The following ST6GALNAC3 variants were observed in gnomAD, a reference collection of about 807,000 sequenced individuals.
The protein encoded by ST6GALNAC3 is ST6 N-acetylgalactosaminide alpha-2,6-sialyltransferase 3.
In ST6GALNAC3, 25 loss-of-function variants were observed where a neutral mutation model predicts 32.7. That is an observed-to-expected ratio of 0.76 (90% confidence interval 0.56 to 1.07). The LOEUF is 1.07. ST6GALNAC3 is among the 50% of genes least tolerant of loss of function. The pLI, the probability that ST6GALNAC3 is intolerant of heterozygous loss-of-function variation, is 0.00. For missense variants in ST6GALNAC3, 355 were observed against 382.4 expected, an observed-to-expected ratio of 0.93 and a Z score of 0.60; for synonymous variants, 129 against 133.1, an observed-to-expected ratio of 0.97 and a Z score of 0.21.
Position 76,175,522 on chromosome 1 carries a change from GT to G in ST6GALNAC3, c.18+100651del, listed in dbSNP as rs11406854. 5.2e-3 allele frequency among the ~76,000 whole-genome samples: 766 copies of G among 146,378 alleles called. 3 individuals are homozygous for G. The highest frequency in any genetic ancestry group is 0.018 in the African/African-American group (699 of 39,884). On this transcript the variant is annotated intron_variant, in intron 1 of 4. Transcript: ENST00000328299. Reference sequence around the variant, plus strand: ...CCTGAATCAGCTGCCCTGATGGATAGTTTTTTTTTTTTTGGTGTGGGCTTGG... The same window carrying G: ...CCTGAATCAGCTGCCCTGATGGATAGTTTTTTTTTTTTGGTGTGGGCTTGG...
intron 1 of ST6GALNAC3, among the ~76,000 whole-genome samples, chr1:76,271,332 C>T (rs917614273): frequency 6.6e-6 from 1 of 152,108 alleles, no homozygotes; most frequent in East Asian, 1.9e-4. Flanking sequence ...TTCTTGGAAC[C>T]AGAAGAATTT....
chr1:76,165,803 G>A (rs1278251414), intron 1 of ST6GALNAC3, among the ~76,000 whole-genome samples: 3 of 152,066 alleles, frequency 2.0e-5, no homozygotes, highest in Non-Finnish European at 4.4e-5. Flanking sequence ...ATTATTGGCT[G>A]CATGTACATC....
intron 3 of ST6GALNAC3, among the ~76,000 whole-genome samples, chr1:76,539,774 A>G (rs935423144): frequency 6.6e-6 from 1 of 152,240 alleles, no homozygotes; most frequent in Non-Finnish European, 1.5e-5. Context: ...ATCAATGATC[A>G]TCAGAGAAAT....
rs138703273 is a variant in ST6GALNAC3, at chr1:76,343,496, C to G, written c.213+29497C>G. On this transcript the variant is annotated intron_variant, in intron 2 of 4. Coordinates refer to ENST00000328299, the MANE Select transcript of ST6GALNAC3 (RefSeq NM_152996.4). ...ACTCTGAGTTCTGTGGGAGCTGAGT[C>G]TGTATCCTAGAAAGCATGGAAAAGT... Among the ~76,000 whole-genome samples the G allele has an allele frequency of 3.6e-4, 55 of 152,270 alleles. 1 individual carries two copies. Among genetic ancestry groups the G allele is most frequent in the African/African-American group, 1.3e-3 (53 of 41,564 alleles).
chr1:76,457,645 A>G lies in ST6GALNAC3; in HGVS notation c.623+45228A>G, dbSNP rs550385236. Among the ~76,000 whole-genome samples the G allele has an allele frequency of 6.6e-3, 1,005 of 152,246 alleles. 12 individuals carry two copies. Among genetic ancestry groups the G allele is most frequent in the African/African-American group, 0.022 (933 of 41,526 alleles). On this transcript the variant is annotated intron_variant, in intron 3 of 4. Coordinates refer to ENST00000328299, the MANE Select transcript of ST6GALNAC3 (RefSeq NM_152996.4). ...ACAAGCAATGGGGAAAGGATTCCCT[A>G]TTTAATAAATGGTGCTTGGAAAACT...
At position 76,096,501 on chromosome 1, in the gene ST6GALNAC3, C is replaced by CT. The variant is rs533066932; in HGVS notation, c.18+21621dup. On this transcript the variant is annotated intron_variant, in intron 1 of 4. Coordinates refer to ENST00000328299, the MANE Select transcript of ST6GALNAC3 (RefSeq NM_152996.4). ...ATACTATAGCTTTGCCTCTAATTGG[C>CT]TTTTCAGTCCTTCACGCTGTAAAGC... 1.2e-3 allele frequency among the ~76,000 whole-genome samples: 188 copies of CT among 152,106 alleles called. 1 individual carries two copies. The highest frequency in any genetic ancestry group is 4.1e-3 in the African/African-American group (172 of 41,512).
At chr1:76,270,794 G>T (rs565851913) in intron 1 of ST6GALNAC3, among the ~76,000 whole-genome samples, 4 of 152,278 alleles carry the variant, frequency 2.6e-5, no homozygotes, top group Non-Finnish European at 4.4e-5. Context: ...TGAGGGGTAC[G>T]TGTCCTCATT....
chr1:76,244,805 G>A (rs748795073), intron 1 of ST6GALNAC3, among the ~76,000 whole-genome samples: 11 of 152,254 alleles, frequency 7.2e-5, no homozygotes, highest in Middle Eastern at 3.4e-3. Context: ...ACTTGATCAC[G>A]GTGGATAAGT....
chr1:76,477,543 A>G (rs552287701), intron 3 of ST6GALNAC3, among the ~76,000 whole-genome samples: 1 of 152,232 alleles, frequency 6.6e-6, no homozygotes, highest in South Asian at 2.1e-4. Flanking sequence ...CATCTCACCA[A>G]TCCAGTCATG....
rs571776045 is a variant in ST6GALNAC3, at chr1:76,544,793, A to G, written c.624-82659A>G. Among the ~76,000 whole-genome samples the G allele has an allele frequency of 1.8e-4, 28 of 152,326 alleles. 1 individual carries two copies. The highest frequency in any genetic ancestry group is 6.3e-4 in the African/African-American group (26 of 41,574). ...CAGCGTATCGATGGTATTTAAAGCT[A>G]TGGGAGTCAATAACATTTCACAGGA... On this transcript the variant is annotated intron_variant, in intron 3 of 4. Coordinates refer to ENST00000328299, the MANE Select transcript of ST6GALNAC3 (RefSeq NM_152996.4).
At chr1:76,301,849 T>C (rs192464624) in intron 1 of ST6GALNAC3, among the ~76,000 whole-genome samples, 2,064 of 151,352 alleles carry the variant, frequency 0.014, 15 homozygotes, top group Non-Finnish European at 0.023. Flanking sequence ...TTTTTTTTTT[T>C]CCACAGGTGC....
At chr1:76,264,832 C>G (rs1180788924) in intron 1 of ST6GALNAC3, among the ~76,000 whole-genome samples, 2 of 151,760 alleles carry the variant, frequency 1.3e-5, no homozygotes, top group African/African-American at 4.8e-5. Context: ...CCTTTTTTGA[C>G]CCTAACAACA....
intron 3 of ST6GALNAC3, among the ~76,000 whole-genome samples, chr1:76,471,083 T>C (rs910609312): frequency 7.9e-5 from 12 of 152,140 alleles, no homozygotes; most frequent in African/African-American, 2.9e-4. Context: ...TGGTTCTTTA[T>C]CATCTATTGA....
chr1:76,374,928 T>C (rs921151040), intron 2 of ST6GALNAC3, among the ~76,000 whole-genome samples: 2 of 152,174 alleles, frequency 1.3e-5, no homozygotes, highest in Non-Finnish European at 2.9e-5. Flanking sequence ...TTTTCTGCAA[T>C]GGGCATTTGG....
intron 1 of ST6GALNAC3, among the ~76,000 whole-genome samples, chr1:76,205,645 A>C (rs539386964): frequency 6.6e-6 from 1 of 152,312 alleles, no homozygotes; most frequent in Non-Finnish European, 1.5e-5. Flanking sequence ...GATGTTGTAA[A>C]GGAGGAGGGA....
rs577368125 is a variant in ST6GALNAC3 at position 76,295,123 on chromosome 1, A to G, written c.19-18682A>G. On this transcript the variant is annotated intron_variant, in intron 1 of 4. Coordinates refer to ENST00000328299, the MANE Select transcript of ST6GALNAC3 (RefSeq NM_152996.4). The stretch of plus-strand genomic sequence containing the variant: ...TTTTCCTCTGGAAGCCTTTATTGAG[A>G]TGTTTTCTTTTTCTTTTTCTCTATG... Among the ~76,000 whole-genome samples, 6 of 151,268 alleles carry G rather than the reference A, an allele frequency of 4.0e-5. 1 individual carries two copies. Among genetic ancestry groups the G allele is most frequent in the African/African-American group, 1.5e-4 (6 of 41,256 alleles).
chr1:76,348,203 A>T (rs1224790078), intron 2 of ST6GALNAC3, among the ~76,000 whole-genome samples: 1 of 152,138 alleles, frequency 6.6e-6, no homozygotes, highest in African/African-American at 2.4e-5. Flanking sequence ...AACTTTCTAC[A>T]CTATGGTACA....
intron 1 of ST6GALNAC3, among the ~76,000 whole-genome samples, chr1:76,123,957 G>A (rs1649065146): frequency 6.6e-6 from 1 of 151,956 alleles, no homozygotes. Context: ...CACCATGCTG[G>A]CCAGGCTGGT....
chr1:76,330,966 C>T (rs554468682), intron 2 of ST6GALNAC3, among the ~76,000 whole-genome samples: 12 of 152,262 alleles, frequency 7.9e-5, no homozygotes, highest in Non-Finnish European at 1.2e-4. Flanking sequence ...ACCATAGAGG[C>T]AAGAATGTCT....
Sources: gnomAD v4.1 joint callset for allele counts (sites outside exome capture counted in the v4.1 genomes callset) on GRCh38, gnomAD v4.1.1 for gene constraint, MANE v1.5 for transcripts, NCBI Gene and HGNC (gene_info 2026-07-23, HGNC 2026-07-21) for gene names.